Variants in TUBGCP3 observed in about 807,000 individuals in gnomAD.
TUBGCP3 encodes tubulin gamma complex component 3, also known as gamma-tubulin complex component 3.
A neutral mutation model predicts 123.1 loss-of-function variants in TUBGCP3; 50 were observed. The ratio of observed to expected loss-of-function variants is 0.41; its 90% CI spans 0.32 to 0.51. The LOEUF (loss-of-function observed/expected upper bound fraction) is 0.51, where lower values mean the gene tolerates loss of function less well. Ranked by LOEUF, TUBGCP3 falls within the 20% of genes least tolerant of loss-of-function variation. The probability of loss-of-function intolerance (pLI) is 0.36; values close to 1 mark genes in which losing one functional copy is unlikely to be tolerated. For synonymous variants in TUBGCP3, 405 were observed against 413.9 expected, an observed-to-expected ratio of 0.98 and a Z score of 0.26; for missense variants, 882 against 1,127.0, an observed-to-expected ratio of 0.78 and a Z score of 3.11.
intron 7 of TUBGCP3, among the ~76,000 whole-genome samples, chr13:112,554,456 A>G (rs991296342): frequency 2.4e-4 from 36 of 152,236 alleles, no homozygotes; most frequent in African/African-American, 8.7e-4. Flanking sequence ...CCACGCTGTG[A>G]AAGGGCTAAG....
At chr13:112,540,143 G>A (rs1429605696) in intron 11 of TUBGCP3, among the ~76,000 whole-genome samples, 12 of 149,746 alleles carry the variant, frequency 8.0e-5, no homozygotes, top group African/African-American at 2.7e-4. Context: ...GAATGAGGAT[G>A]TCAATATAGT....
At chr13:112,587,468 C>G (rs1000871880) in intron 1 of TUBGCP3, 1 of 164,172 alleles carries the variant, frequency 6.1e-6, no homozygotes, top group African/African-American at 2.4e-5. Flanking sequence ...TCTCTCCACC[C>G]CACAGGATGA....
rs116302627 is a variant in TUBGCP3 at position 112,488,196 on chromosome 13, G to C, written c.2565+1385C>G. ...CAAACTAGATGCCCACAGAAAGAGCGAGTGCGGTCTCACTTTCAATTTTGA... is the reference window on the plus strand; with the variant it reads ...CAAACTAGATGCCCACAGAAAGAGCCAGTGCGGTCTCACTTTCAATTTTGA... On this transcript the variant is annotated intron_variant, in intron 21 of 21. Transcript: ENST00000261965. 5.4e-4 allele frequency among the ~76,000 whole-genome samples: 81 copies of C among 150,382 alleles called. 1 individual carries two copies. The highest frequency in any genetic ancestry group is 9.9e-4 in the Non-Finnish European group (67 of 67,798).
At chr13:112,559,957 A>C (rs1407292196) in intron 3 of TUBGCP3, among the ~76,000 whole-genome samples, 1 of 152,042 alleles carries the variant, frequency 6.6e-6, no homozygotes, top group Non-Finnish European at 1.5e-5. Flanking sequence ...CAACATGGCG[A>C]AACCCCATCT....
At chr13:112,597,525 G>A in the TUBGCP3 span, among the ~76,000 whole-genome samples, 336 of 152,250 alleles carry the variant, frequency 2.2e-3, 2 homozygotes, top group Non-Finnish European at 4.0e-3. Context: ...AAACTAGAAA[G>A]AGATTTACAG....
chr13:112,559,873 G>T (rs993309599), intron 3 of TUBGCP3, among the ~76,000 whole-genome samples: 1 of 152,190 alleles, frequency 6.6e-6, no homozygotes, highest in Admixed American at 6.5e-5. Context: ...AGGGGCTCAC[G>T]CCTGTAATCC....
intron 1 of TUBGCP3, among the ~76,000 whole-genome samples, chr13:112,585,319 C>A (rs978916725): frequency 6.6e-6 from 1 of 152,140 alleles, no homozygotes; most frequent in Non-Finnish European, 1.5e-5. Context: ...TAAGGTATAA[C>A]AAATGAAAGA....
intron 1 of TUBGCP3, among the ~76,000 whole-genome samples, chr13:112,584,988 TA>T (rs1043655453): frequency 1.3e-4 from 20 of 152,338 alleles, no homozygotes; most frequent in African/African-American, 4.8e-4. Flanking sequence ...GCTAACTTTG[TA>T]AAACTGTCAA....
At chr13:112,504,583 A>G in intron 18 of TUBGCP3, 43 bp downstream of exon 18, 7 of 1,488,746 alleles carry the variant, frequency 4.7e-6, no homozygotes, top group East Asian at 2.3e-5. Context: ...AAGCCAAGAC[A>G]TGACTTATTT....
intron 8 of TUBGCP3, 114 bp from the exon 9 acceptor site, chr13:112,548,290 T>A: frequency 1.6e-6 from 1 of 624,218 alleles, no homozygotes; most frequent in Non-Finnish European, 2.7e-6. Flanking sequence ...CTACAAGATT[T>A]AAATTCAGGT....
At position 112,555,009 on chromosome 13, in the gene TUBGCP3, C is replaced by T; in HGVS notation, c.722-4G>A. On this transcript the variant is annotated splice_region_variant and splice_polypyrimidine_tract_variant and intron_variant, in intron 6 of 21. Transcript: ENST00000261965. ...GCTTCTGTAATTTCCATAGTACCTG[C>T]AAAATCATTTTTTAAAGACAGTAAT... 1.9e-6 allele frequency: 3 copies of T among 1,561,586 alleles called. No individual in the cohort carries two copies. The highest frequency in any genetic ancestry group is 2.6e-6 in the Non-Finnish European group (3 of 1,146,328).
intron 8 of TUBGCP3, among the ~76,000 whole-genome samples, chr13:112,553,487 G>A (rs1405334499): frequency 2.6e-5 from 4 of 152,254 alleles, no homozygotes; most frequent in African/African-American, 9.6e-5. Context: ...AGATGCCACG[G>A]CTCCTATTAG....
intron 16 of TUBGCP3, among the ~76,000 whole-genome samples, chr13:112,518,639 C>T (rs1271116639): frequency 1.3e-5 from 2 of 152,160 alleles, no homozygotes; most frequent in Admixed American, 1.3e-4. Context: ...CTAAAATACA[C>T]TTTATAGTTC....
chr13:112,588,122 G>A lies in TUBGCP3; in HGVS notation c.-142C>T. 1 of 656,012 alleles carries A rather than the reference G, an allele frequency of 1.5e-6. No individual in the cohort carries two copies. Among genetic ancestry groups the A allele is most frequent in the Non-Finnish European group, 2.2e-6 (1 of 445,930 alleles). The allele number at this position is 656,012 out of a possible 1,614,324, so 40.6% of individuals were successfully genotyped here. ...AGGCGCGGGCGCCGCCGGCCACCAG[G>A]GCGCCATTTTAACGGAACCCGCCGA... On this transcript the variant is annotated 5_prime_UTR_variant, in exon 1 of 22. Transcript: ENST00000261965.
intron 1 of TUBGCP3, among the ~76,000 whole-genome samples, chr13:112,571,333 T>C (rs906267186): frequency 3.3e-5 from 5 of 152,222 alleles, no homozygotes; most frequent in African/African-American, 9.6e-5. Context: ...AACAGATGCA[T>C]GTTAGCAGGC....
chr13:112,526,311 C>T (rs1877084311), intron 13 of TUBGCP3, among the ~76,000 whole-genome samples: 1 of 151,424 alleles, frequency 6.6e-6, no homozygotes, highest in Non-Finnish European at 1.5e-5. Context: ...ATCACTGCCA[C>T]CACCATGCCA....
At chr13:112,514,768 C>T (rs1480544861) in intron 17 of TUBGCP3, among the ~76,000 whole-genome samples, 1 of 152,132 alleles carries the variant, frequency 6.6e-6, no homozygotes, top group Non-Finnish European at 1.5e-5. Flanking sequence ...AAAATTCAAA[C>T]TGTTAAGCAA....
intron 11 of TUBGCP3, among the ~76,000 whole-genome samples, chr13:112,535,023 C>G (rs138280181): frequency 6.6e-6 from 1 of 152,250 alleles, no homozygotes; most frequent in Non-Finnish European, 1.5e-5. Flanking sequence ...ACATTTCATA[C>G]GAATGGAATC....
chr13:112,595,322 C>A, the TUBGCP3 span, among the ~76,000 whole-genome samples: 25,564 of 151,990 alleles, frequency 0.17, 3,360 homozygotes, highest in African/African-American at 0.36. Flanking sequence ...TCAGCCTCCC[C>A]AGTAGCTGGG....
Sources: gnomAD v4.1 joint callset for allele counts (sites outside exome capture counted in the v4.1 genomes callset) on GRCh38, gnomAD v4.1.1 for gene constraint, MANE v1.5 for transcripts, NCBI Gene and HGNC (gene_info 2026-07-23, HGNC 2026-07-21) for gene names.